Variants in EIF4EBP2 observed in about 807,000 individuals in gnomAD.
EIF4EBP2 encodes eukaryotic translation initiation factor 4E-binding protein 2.
EIF4EBP2 carries 5 observed loss-of-function variants against 10.3 expected under a neutral mutation model. The observed-to-expected ratio is 0.48, with a 90% confidence interval of 0.25 to 1.02. EIF4EBP2 has a LOEUF of 1.02. Ranked by LOEUF, EIF4EBP2 falls within the 50% of genes least tolerant of loss-of-function variation. The pLI, the probability that EIF4EBP2 is intolerant of heterozygous loss-of-function variation, is 0.15. For missense variants in EIF4EBP2, 188 were observed against 162.2 expected (o/e 1.16, Z -0.86); for synonymous variants, 67 against 61.1 (o/e 1.10, Z -0.45).
Position 70,404,398 on chromosome 10 carries a change from A to G in EIF4EBP2, c.-4A>G, listed in dbSNP as rs892367854. 2 of 1,569,724 alleles carry G rather than the reference A, an allele frequency of 1.3e-6. No homozygotes were observed. The highest frequency in any genetic ancestry group is 1.4e-5 in the African/African-American group (1 of 70,624). On this transcript the variant is annotated 5_prime_UTR_variant, in exon 1 of 3. Transcript: ENST00000373218. ...GACAAAGCCGAGAGCCCGCGCCCAC[A>G]GCCATGTCCTCGTCAGCCGGCAGCG...
chr10:70,426,915 G>A lies in EIF4EBP2; in HGVS notation c.*5168G>A, dbSNP rs1193803364. 3 of 152,276 alleles carry A rather than the reference G, an allele frequency of 2.0e-5. No individual in the cohort carries two copies. Among genetic ancestry groups the A allele is most frequent in the South Asian group, 4.1e-4 (2 of 4,828 alleles). 9.4% of individuals were successfully genotyped at this position (152,276 alleles called of 1,614,324 possible). On this transcript the variant is annotated 3_prime_UTR_variant, in exon 3 of 3. Coordinates refer to ENST00000373218, the MANE Select transcript of EIF4EBP2 (RefSeq NM_004096.5). ...TGCTGAGTATGTGGGTTTCACTGCCGGAGTCCATCATTTAGCCAGTATACA... is the reference window on the plus strand; with the variant it reads ...TGCTGAGTATGTGGGTTTCACTGCCAGAGTCCATCATTTAGCCAGTATACA...
chr10:70,416,266 A>G (rs1025564090), intron 1 of EIF4EBP2, among the ~76,000 whole-genome samples: 2 of 152,190 alleles, frequency 1.3e-5, no homozygotes, highest in Non-Finnish European at 2.9e-5. Context: ...GGAATGTAAA[A>G]TAGTACAACC....
chr10:70,404,515 C>CG lies in EIF4EBP2; in HGVS notation c.120dup (p.Thr41AspfsTer15), dbSNP rs751644163. 6 of 1,590,434 alleles carry CG rather than the reference C, an allele frequency of 3.8e-6. No individual in the cohort carries two copies. Among genetic ancestry groups the CG allele is most frequent in the Non-Finnish European group, 5.1e-6 (6 of 1,171,598 alleles). ...TACCTCATGACTATTGCACCACGCC[C>CG]GGGGGGACGCTCTTCTCCACCACAC... On this transcript the variant is annotated frameshift_variant, in exon 1 of 3. Coordinates refer to ENST00000373218, the MANE Select transcript of EIF4EBP2 (RefSeq NM_004096.5). LOFTEE classifies it high-confidence loss of function.
intron 1 of EIF4EBP2, among the ~76,000 whole-genome samples, chr10:70,408,783 T>C (rs1270537909): frequency 1.3e-5 from 2 of 152,164 alleles, no homozygotes; most frequent in African/African-American, 2.4e-5. Flanking sequence ...AAATTCTTGA[T>C]TTGGGGGTAG....
intron 1 of EIF4EBP2, among the ~76,000 whole-genome samples, chr10:70,412,455 T>G (rs1486663031): frequency 6.6e-6 from 1 of 152,162 alleles, no homozygotes; most frequent in Non-Finnish European, 1.5e-5. Context: ...AAGTTAACCA[T>G]GTTATAGTGG....
intron 1 of EIF4EBP2, among the ~76,000 whole-genome samples, chr10:70,416,215 C>G (rs1171153726): frequency 2.6e-5 from 4 of 152,082 alleles, no homozygotes; most frequent in African/African-American, 9.7e-5. Flanking sequence ...CTAATGTTGG[C>G]TACAATATAT....
intron 1 of EIF4EBP2, among the ~76,000 whole-genome samples, chr10:70,408,361 G>A (rs1845006293): frequency 6.6e-6 from 1 of 152,140 alleles, no homozygotes; most frequent in Non-Finnish European, 1.5e-5. Context: ...TGATCTGCCC[G>A]CCTCGGCCTC....
chr10:70,414,111 C>T (rs544623621), intron 1 of EIF4EBP2, among the ~76,000 whole-genome samples: 35 of 152,156 alleles, frequency 2.3e-4, no homozygotes, highest in African/African-American at 8.2e-4. Flanking sequence ...AATAGATTGT[C>T]TTGGAATTGA....
rs1188942624 is a variant in EIF4EBP2, at chr10:70,425,309, T to C, written c.*3562T>C. 1.3e-5 allele frequency: 2 copies of C among 152,228 alleles called. No homozygotes were observed. Among genetic ancestry groups the C allele is most frequent in the Admixed American group, 6.5e-5 (1 of 15,288 alleles). 9.4% of individuals were successfully genotyped at this position (152,228 alleles called of 1,614,324 possible). A position where few individuals can be genotyped will look rare whatever the true frequency, so the allele number is the denominator to read the frequency against. Reference sequence around the variant, plus strand: ...GGAAAGGACACACCGTCACTTCTTATCCTAGTTGTTAGAAGCAAGCCACTA... The same window carrying C: ...GGAAAGGACACACCGTCACTTCTTACCCTAGTTGTTAGAAGCAAGCCACTA... On this transcript the variant is annotated 3_prime_UTR_variant, in exon 3 of 3. Coordinates refer to ENST00000373218, the MANE Select transcript of EIF4EBP2 (RefSeq NM_004096.5).
In EIF4EBP2 at chr10:70,422,190, C is replaced by CT. The variant is rs1845164401; in HGVS notation, c.*444dup. ...TAACACCATTCATATTCCTTACCCTCTGTCTCTCCTCCCTGTATCCCACCT... is the reference window on the plus strand; with the variant it reads ...TAACACCATTCATATTCCTTACCCTCTTGTCTCTCCTCCCTGTATCCCACCT... On this transcript the variant is annotated 3_prime_UTR_variant, in exon 3 of 3. Transcript: ENST00000373218. 1 of 159,460 alleles carries CT rather than the reference C, an allele frequency of 6.3e-6. No individual in the cohort carries two copies. The highest frequency in any genetic ancestry group is 1.4e-5 in the Non-Finnish European group (1 of 72,616). The allele number at this position is 159,460 out of a possible 1,614,324, so 9.9% of individuals were successfully genotyped here. A position where few individuals can be genotyped will look rare whatever the true frequency, so the allele number is the denominator to read the frequency against.
rs927834396 is a variant in EIF4EBP2 at position 70,419,959 on chromosome 10, A to G, written c.191A>G (p.Asn64Ser). 9 of 1,599,610 alleles carry G rather than the reference A, an allele frequency of 5.6e-6. No homozygotes were observed. Among genetic ancestry groups the G allele is most frequent in the African/African-American group, 2.7e-5 (2 of 74,010 alleles). ...AGAAAGTTTCTGTTGGATCGTCGCA[A>G]TTCTCCCATGGCTCAGACCCCACCC... Reference protein sequence around the residue: ...YDRKFLLDRRNSPMAQTPPCH... With the variant: ...YDRKFLLDRRSSPMAQTPPCH... Residue 64 changes from asparagine to serine, a missense_variant, in exon 2 of 3, where the codon AAT (asparagine) becomes AGT (serine). Coordinates refer to ENST00000373218, the MANE Select transcript of EIF4EBP2 (RefSeq NM_004096.5).
At position 70,409,601 on chromosome 10, in the gene EIF4EBP2, A is replaced by T. The variant is rs140051051; in HGVS notation, c.145+5055A>T. On this transcript the variant is annotated intron_variant, in intron 1 of 2. Transcript: ENST00000373218. ...TCTACTGTTTTGAGATGCTTATCTT[A>T]CTAGGAAAGGAAGTTTGCAAACATT... is the stretch of plus-strand genomic sequence containing the variant. Among the ~76,000 whole-genome samples, 644 of 152,308 alleles carry T rather than the reference A, an allele frequency of 4.2e-3. 5 individuals are homozygous for T. Among genetic ancestry groups the T allele is most frequent in the African/African-American group, 0.014 (591 of 41,574 alleles).
In EIF4EBP2 at chr10:70,426,153, G is replaced by GT. The variant is rs1564664566; in HGVS notation, c.*4409dup. On this transcript the variant is annotated 3_prime_UTR_variant, in exon 3 of 3. Transcript: ENST00000373218. ...AGACAAACTTACATGAAGTTTTTCAGTTTAAGACATTCTAGTGAATGGCTG... is the reference window on the plus strand; with the variant it reads ...AGACAAACTTACATGAAGTTTTTCAGTTTTAAGACATTCTAGTGAATGGCTG... The GT allele has an allele frequency of 6.6e-6, 1 of 152,240 alleles. No individual in the cohort carries two copies. Among genetic ancestry groups the GT allele is most frequent in the Non-Finnish European group, 1.5e-5 (1 of 68,048 alleles). 9.4% of individuals were successfully genotyped at this position (152,240 alleles called of 1,614,324 possible). A position where few individuals can be genotyped will look rare whatever the true frequency, so the allele number is the denominator to read the frequency against.
In EIF4EBP2 at chr10:70,421,878, G is replaced by A. The variant is rs530133331; in HGVS notation, c.*131G>A. The A allele has an allele frequency of 1.3e-4, 97 of 763,102 alleles. 1 individual carries two copies. The highest frequency in any genetic ancestry group is 9.4e-4 in the South Asian group (53 of 56,238). 47.3% of individuals were successfully genotyped at this position (763,102 alleles called of 1,614,324 possible). Reference sequence around the variant, plus strand: ...TCCCCATTACAGTCTCCACCTCCCCGTCTTCCTCTGGGTGCCAAATGATGG... The same window carrying A: ...TCCCCATTACAGTCTCCACCTCCCCATCTTCCTCTGGGTGCCAAATGATGG... On this transcript the variant is annotated 3_prime_UTR_variant, in exon 3 of 3. Coordinates refer to ENST00000373218, the MANE Select transcript of EIF4EBP2 (RefSeq NM_004096.5).
chr10:70,419,855 G>A, intron 1 of EIF4EBP2, 59 bp from the exon 2 acceptor site: 3 of 1,172,232 alleles, frequency 2.6e-6, no homozygotes, highest in South Asian at 1.7e-5. Context: ...TTCCTGGGTG[G>A]TATTATATGT....
intron 1 of EIF4EBP2, among the ~76,000 whole-genome samples, chr10:70,414,202 A>AT (rs536821690): frequency 2.9e-3 from 445 of 152,082 alleles, no homozygotes; most frequent in African/African-American, 0.01. Context: ...TTGAATCTTA[A>AT]TTTTTTTTCT....
intron 1 of EIF4EBP2, among the ~76,000 whole-genome samples, chr10:70,417,686 G>A (rs1845111897): frequency 6.6e-6 from 1 of 150,428 alleles, no homozygotes; most frequent in Admixed American, 6.6e-5. Context: ...CTTCTGTGCT[G>A]TGCTTTTTTC....
intron 1 of EIF4EBP2, among the ~76,000 whole-genome samples, chr10:70,405,047 G>A (rs1334968173): frequency 1.3e-5 from 2 of 152,232 alleles, no homozygotes; most frequent in African/African-American, 4.8e-5. Flanking sequence ...GGAATGCGGA[G>A]TCTGGAAGCC....
At chr10:70,406,884 GATTT>G (rs1236090643) in intron 1 of EIF4EBP2, among the ~76,000 whole-genome samples, 4 of 152,068 alleles carry the variant, frequency 2.6e-5, no homozygotes, top group East Asian at 3.9e-4. Flanking sequence ...ATAATCTTTG[GATTT>G]ATTTGTTTAT....
Sources: allele counts gnomAD v4.1 joint callset (sites outside exome capture counted in the v4.1 genomes callset), GRCh38; gene constraint gnomAD v4.1.1; transcripts MANE v1.5; gene names NCBI Gene and HGNC (gene_info 2026-07-23, HGNC 2026-07-21).